Variants in CYB5D1 observed in about 807,000 individuals in gnomAD.
CYB5D1 encodes the protein cytochrome b5 domain containing 1, also known as cytochrome b5 domain-containing protein 1.
In CYB5D1, 30 loss-of-function variants were observed where a neutral mutation model predicts 24.3. That is an observed-to-expected ratio of 1.23 (90% CI 0.92 to 1.67). CYB5D1 has a LOEUF of 1.67. Among genes scored for constraint, CYB5D1 ranks in the 40% most tolerant of loss-of-function variants. The pLI, the probability that CYB5D1 is intolerant of heterozygous loss-of-function variation, is 0.00. For synonymous variants in CYB5D1, 128 were observed against 123.2 expected (o/e 1.04, Z -0.26); for missense variants, 265 against 296.7 (o/e 0.89, Z 0.79).
At chr17:7,859,112 A>G (rs1305412802) in intron 3 of CYB5D1, 1 of 574,198 alleles carries the variant, frequency 1.7e-6, no homozygotes, top group Middle Eastern at 4.6e-4. Flanking sequence ...TTGGACAGCA[A>G]TTGGACTTTC....
rs2078854400 is a variant in CYB5D1, at chr17:7,858,605, G to T, written c.238-1G>T. On this transcript the variant is annotated splice_acceptor_variant, in intron 2 of 3. Transcript: ENST00000332439. LOFTEE classifies it high-confidence loss of function. ...CCCTCGCCCCAAACCCTCCTTTAAAGATCCGCAAGCACATAGATCCGCTGA... is the reference window on the plus strand; with the variant it reads ...CCCTCGCCCCAAACCCTCCTTTAAATATCCGCAAGCACATAGATCCGCTGA... 2 of 1,605,990 alleles carry T rather than the reference G, an allele frequency of 1.2e-6. No individual in the cohort carries two copies. Among genetic ancestry groups the T allele is most frequent in the Non-Finnish European group, 1.7e-6 (2 of 1,174,390 alleles).
rs1567813875 is a variant in CYB5D1 at position 7,860,144 on chromosome 17, C to G, written c.*532C>G. 6.7e-6 allele frequency: 1 copy of G among 150,042 alleles called. No individual in the cohort carries two copies. Among genetic ancestry groups the G allele is most frequent in the African/African-American group, 2.6e-5 (1 of 38,292 alleles). 9.3% of individuals were successfully genotyped at this position (150,042 alleles called of 1,614,324 possible). On this transcript the variant is annotated 3_prime_UTR_variant, in exon 4 of 4. Transcript: ENST00000332439. ...ATATTATACTAGGTACTTCATATAC[C>G]CTCTTTTTTTTTTTTGCCCCCAACA...
Position 7,859,835 on chromosome 17 carries a change from A to C in CYB5D1, c.*223A>C. 1.8e-6 allele frequency: 1 copy of C among 546,962 alleles called. No individual in the cohort carries two copies. The highest frequency in any genetic ancestry group is 3.2e-5 in the Admixed American group (1 of 31,696). The allele number at this position is 546,962 out of a possible 1,614,324, so 33.9% of individuals were successfully genotyped here. A position where few individuals can be genotyped will look rare whatever the true frequency, so the allele number is the denominator to read the frequency against. ...ATTAATCTTTGGGAATGATACAAGAAGATCAAGTACCTTGGTTTAGGGAGA... is the reference window on the plus strand; with the variant it reads ...ATTAATCTTTGGGAATGATACAAGACGATCAAGTACCTTGGTTTAGGGAGA... On this transcript the variant is annotated 3_prime_UTR_variant, in exon 4 of 4. Transcript: ENST00000332439.
Position 7,859,716 on chromosome 17 carries a change from C to A in CYB5D1, c.*104C>A. ...GGCCGAGGGGTGCCTGGACCCAGAT[C>A]TCCACTCCTCTCCAGGAGCTAGCCT... On this transcript the variant is annotated 3_prime_UTR_variant, in exon 4 of 4. Transcript: ENST00000332439. 1.1e-6 allele frequency: 1 copy of A among 921,856 alleles called. No individual in the cohort carries two copies. Among genetic ancestry groups the A allele is most frequent in the Non-Finnish European group, 1.7e-6 (1 of 579,872 alleles). 57.1% of individuals were successfully genotyped at this position (921,856 alleles called of 1,614,324 possible).
rs777165455 is a variant in CYB5D1, at chr17:7,858,093, AAGG to A, written c.-39_-37del. Reference sequence around the variant, plus strand: ...AGTAGTGAGTACGTGCTGAGGAGCAAAGGAGTAACCAAGAGATCCAGTGACCGA... The same window carrying A: ...AGTAGTGAGTACGTGCTGAGGAGCAAAGTAACCAAGAGATCCAGTGACCGA... On this transcript the variant is annotated 5_prime_UTR_variant, in exon 1 of 4. Transcript: ENST00000332439. 125 of 1,610,214 alleles carry A rather than the reference AAGG, an allele frequency of 7.8e-5. No homozygotes were observed. The highest frequency in any genetic ancestry group is 5.4e-4 in the Middle Eastern group (3 of 5,520).
rs1385978869 is a variant in CYB5D1, at chr17:7,858,307, C to T, written c.160+13C>T. The T allele has an allele frequency of 6.2e-7, 1 of 1,613,922 alleles. No homozygotes were observed. The highest frequency in any genetic ancestry group is 8.5e-7 in the Non-Finnish European group (1 of 1,179,924). The stretch of plus-strand genomic sequence containing the variant: ...CAGGAATACAAGGGTAAGGGCCACA[C>T]GTTGGGCCGGGGCCGGAGTGTGTGT... On this transcript the variant is annotated intron_variant, in intron 1 of 3. Transcript: ENST00000332439.
chr17:7,859,236 T>C (rs2078863411), intron 3 of CYB5D1, 146 bp from the exon 4 acceptor site: 1 of 649,784 alleles, frequency 1.5e-6, no homozygotes, highest in East Asian at 2.7e-5. Flanking sequence ...GGTCTGCTCA[T>C]TGCATGCTGG....
At chr17:7,858,921 G>A (rs2078859812) in intron 3 of CYB5D1, 97 bp downstream of exon 3, 1 of 1,164,320 alleles carries the variant, frequency 8.6e-7, no homozygotes, top group Admixed American at 3.0e-5. Context: ...ATAACCGGTG[G>A]GAGTGTATTT....
In CYB5D1 at chr17:7,858,493, G is replaced by C. The variant is rs2151385474; in HGVS notation, c.237+14G>C. The stretch of plus-strand genomic sequence containing the variant: ...AAGACCAGAGACGTGAGTTATGCTG[G>C]AACCTGGGATTGTGGGTAGAGGAAA... On this transcript the variant is annotated intron_variant, in intron 2 of 3. Transcript: ENST00000332439. 1 of 1,614,190 alleles carries C rather than the reference G, an allele frequency of 6.2e-7. No homozygotes were observed. Among genetic ancestry groups the C allele is most frequent in the Middle Eastern group, 1.6e-4 (1 of 6,062 alleles).
rs1423566356 is a variant in CYB5D1 at position 7,862,161 on chromosome 17, G to C, written c.*2549G>C. Reference sequence around the variant, plus strand: ...AATTGTAAAATTATGGCTGTAATAGGCTGGCTGCGCTGCTAGATTGTAAGC... The same window carrying C: ...AATTGTAAAATTATGGCTGTAATAGCCTGGCTGCGCTGCTAGATTGTAAGC... On this transcript the variant is annotated 3_prime_UTR_variant, in exon 4 of 4. Transcript: ENST00000332439. The C allele has an allele frequency of 2.6e-5, 4 of 152,170 alleles. No individual in the cohort carries two copies. Among genetic ancestry groups the C allele is most frequent in the Admixed American group, 6.5e-5 (1 of 15,282 alleles). 9.4% of individuals were successfully genotyped at this position (152,170 alleles called of 1,614,324 possible).
rs998800176 is a variant in CYB5D1, at chr17:7,859,138, G to C, written c.457-244G>C. 6.7e-6 allele frequency: 4 copies of C among 593,498 alleles called. No homozygotes were observed. In the African/African-American group the frequency reaches 7.4e-5, roughly 11 times the overall value. 36.8% of individuals were successfully genotyped at this position (593,498 alleles called of 1,614,324 possible). On this transcript the variant is annotated intron_variant, in intron 3 of 3. Transcript: ENST00000332439. ...TTGGACTTTCTTTTTAATCTACTCT[G>C]TTGCATGGATATAGTGAGGGGACAG... is the stretch of plus-strand genomic sequence containing the variant.
At chr17:7,858,857 G>A (rs1253346529) in intron 3 of CYB5D1, 33 bp downstream of exon 3, 2 of 1,491,366 alleles carry the variant, frequency 1.3e-6, no homozygotes. Flanking sequence ...AGGTTAGAAG[G>A]AATGGGGAAT....
Position 7,859,508 on chromosome 17 carries a change from G to A in CYB5D1, c.583G>A (p.Gly195Arg). Residue 195 changes from glycine to arginine, a missense_variant, in exon 4 of 4, where the codon GGG (glycine) becomes AGG (arginine). Gly to Arg is a moderately radical substitution (Grantham distance 125, BLOSUM62 -2). Coordinates refer to ENST00000332439, the MANE Select transcript of CYB5D1 (RefSeq NM_144607.6). ...LNMDFTLEEN[G>R]IRDEEEEFDY... is the part of the protein sequence containing the mutation. Reference sequence around the variant, plus strand: ...CATGGATTTTACCCTGGAAGAGAATGGGATCCGGGATGAGGAGGAAGAATT... The same window carrying A: ...CATGGATTTTACCCTGGAAGAGAATAGGATCCGGGATGAGGAGGAAGAATT... 1 of 1,614,180 alleles carries A rather than the reference G, an allele frequency of 6.2e-7. No homozygotes were observed. The highest frequency in any genetic ancestry group is 8.5e-7 in the Non-Finnish European group (1 of 1,180,030).
At chr17:7,858,521 G>T (rs368682739) in intron 2 of CYB5D1, 42 bp downstream of exon 2, 3 of 1,613,996 alleles carry the variant, frequency 1.9e-6, no homozygotes, top group Non-Finnish European at 2.5e-6. Context: ...AGAGGAAATG[G>T]AGAGCGGGGA....
At position 7,860,933 on chromosome 17, in the gene CYB5D1, G is replaced by C. The variant is rs947919804; in HGVS notation, c.*1321G>C. Reference sequence around the variant, plus strand: ...CGGCAAATTAGTGACACTTTGGCGAGGGAGAAAAAGGAGGCAGTTTGCCAC... The same window carrying C: ...CGGCAAATTAGTGACACTTTGGCGACGGAGAAAAAGGAGGCAGTTTGCCAC... On this transcript the variant is annotated 3_prime_UTR_variant, in exon 4 of 4. Transcript: ENST00000332439. 1.1e-4 allele frequency: 16 copies of C among 152,174 alleles called. No individual in the cohort carries two copies. The highest frequency in any genetic ancestry group is 2.2e-4 in the Non-Finnish European group (15 of 68,032). 9.4% of individuals were successfully genotyped at this position (152,174 alleles called of 1,614,324 possible). A position where few individuals can be genotyped will look rare whatever the true frequency, so the allele number is the denominator to read the frequency against.
Position 7,858,703 on chromosome 17 carries a change from G to C in CYB5D1, c.335G>C (p.Trp112Ser). ...CCGCCTCAGCTGCCCTGTTCGGACT[G>C]GGCCAACGATTTTGGGAAGCCCTGG... The part of the protein sequence containing the change: ...HVPPQLPCSD[W>S]ANDFGKPWWQ... The change falls in exon 3 of 4, where the codon TGG becomes TCG. Residue 112 changes from tryptophan to serine, a missense_variant. Trp to Ser is a radical substitution (Grantham distance 177, BLOSUM62 -3). Transcript: ENST00000332439. 6.2e-7 allele frequency: 1 copy of C among 1,611,176 alleles called. No homozygotes were observed. The highest frequency in any genetic ancestry group is 8.5e-7 in the Non-Finnish European group (1 of 1,178,388).
Position 7,858,036 on chromosome 17 carries a change from C to T in CYB5D1, c.-99C>T. The T allele has an allele frequency of 5.8e-6, 9 of 1,551,246 alleles. No homozygotes were observed. The highest frequency in any genetic ancestry group is 7.8e-6 in the Non-Finnish European group (9 of 1,152,580). On this transcript the variant is annotated 5_prime_UTR_variant, in exon 1 of 4. Transcript: ENST00000332439. ...CCATGTCAGCGGATAAACGCTCTCC[C>T]CTCGGCTCCCGGACGCGACGGAGGT...
rs2078872864 is a variant in CYB5D1, at chr17:7,860,202, G to C, written c.*590G>C. The C allele has an allele frequency of 6.5e-6, 1 of 153,230 alleles. No individual in the cohort carries two copies. 9.5% of individuals were successfully genotyped at this position (153,230 alleles called of 1,614,324 possible). On this transcript the variant is annotated 3_prime_UTR_variant, in exon 4 of 4. Coordinates refer to ENST00000332439, the MANE Select transcript of CYB5D1 (RefSeq NM_144607.6). ...GGGGTCTTGCTCTGTCACCCAGTCT[G>C]GAGTGCAGTGGCAAAATCATGGCTC...
chr17:7,859,285 A>C, intron 3 of CYB5D1, 97 bp from the exon 4 acceptor site: 1 of 938,630 alleles, frequency 1.1e-6, no homozygotes, highest in Non-Finnish European at 1.6e-6. Context: ...AGAGTACCTG[A>C]AGCTGCTATC....
Sources: allele counts gnomAD v4.1 joint callset, GRCh38; gene constraint gnomAD v4.1.1; transcripts MANE v1.5; gene names NCBI Gene and HGNC (gene_info 2026-07-23, HGNC 2026-07-21).